Variants in DIAPH1 observed in about 807,000 individuals in gnomAD.
DIAPH1 encodes diaphanous related formin 1.
A neutral mutation model predicts 140.7 loss-of-function variants in DIAPH1; 46 were observed. The observed-to-expected ratio is 0.33, with a 90% CI of 0.26 to 0.42. The LOEUF is 0.42. Among genes scored for constraint, DIAPH1 ranks in the 10% least tolerant of loss-of-function variants. DIAPH1 has a pLI of 1.00. For synonymous variants in DIAPH1, 565 were observed against 551.6 expected (o/e 1.02, Z -0.34); for missense variants, 1,310 against 1,558.7 (o/e 0.84, Z 2.69).
chr5:141,532,276 A>C (rs2099888348), intron 19 of DIAPH1, among the ~76,000 whole-genome samples: 1 of 151,914 alleles, frequency 6.6e-6, no homozygotes, highest in Non-Finnish European at 1.5e-5. Flanking sequence ...GGCTCAAGTG[A>C]TCCTTCTGCC....
In DIAPH1 at chr5:141,573,682, C is replaced by A; in HGVS notation, c.2168G>T (p.Gly723Val). The A allele has an allele frequency of 6.2e-7, 1 of 1,605,372 alleles. No individual in the cohort carries two copies. The highest frequency in any genetic ancestry group is 8.5e-7 in the Non-Finnish European group (1 of 1,174,986). ...MPPPPPPLPG[G>V]PGIPPPPPFP... ...TGGAGGAGGTGGAGGGATTCCAGGA[C>A]CACCAGGAAGAGGGGGAGGAGGAGG... Residue 723 changes from glycine to valine, a missense_variant, in exon 16 of 28, where the codon GGT (glycine) becomes GTT (valine). Coordinates refer to ENST00000389054, the MANE Select transcript of DIAPH1 (RefSeq NM_005219.5).
intron 1 of DIAPH1, among the ~76,000 whole-genome samples, chr5:141,606,569 A>G (rs1282110656): frequency 6.6e-6 from 1 of 151,956 alleles, no homozygotes; most frequent in Non-Finnish European, 1.5e-5. Flanking sequence ...TAATTTTTGT[A>G]TTTTTAGTAG....
chr5:141,583,378 C>T, intron 5 of DIAPH1, 86 bp from the exon 6 acceptor site: 1 of 1,605,292 alleles, frequency 6.2e-7, no homozygotes, highest in South Asian at 1.1e-5. Flanking sequence ...ACTTACTACT[C>T]CCAATTCAGA....
At chr5:141,546,346 A>AAAAC (rs1056426107) in intron 18 of DIAPH1, among the ~76,000 whole-genome samples, 3 of 152,054 alleles carry the variant, frequency 2.0e-5, no homozygotes, top group Admixed American at 6.6e-5. Flanking sequence ...TCCGTCTCAA[A>AAAAC]AAACAAACAA....
chr5:141,531,487 TTTTAA>T (rs144826900), intron 19 of DIAPH1, among the ~76,000 whole-genome samples: 3,445 of 152,064 alleles, frequency 0.023, 52 homozygotes, highest in East Asian at 0.046. Context: ...TAGTTTTTTA[TTTTAA>T]TTTATTTATT....
chr5:141,600,106 G>A (rs954960353), intron 1 of DIAPH1, among the ~76,000 whole-genome samples: 1 of 152,178 alleles, frequency 6.6e-6, no homozygotes, highest in Non-Finnish European at 1.5e-5. Context: ...AAATCTAGAG[G>A]TCAGAGACAC....
chr5:141,607,195 A>C (rs189235903), intron 1 of DIAPH1, among the ~76,000 whole-genome samples: 1 of 152,366 alleles, frequency 6.6e-6, no homozygotes, highest in Admixed American at 6.5e-5. Flanking sequence ...ATAAGTATGC[A>C]ATCAAAAGCT....
At chr5:141,555,228 A>G (rs904129986) in intron 18 of DIAPH1, among the ~76,000 whole-genome samples, 8 of 152,252 alleles carry the variant, frequency 5.3e-5, no homozygotes, top group South Asian at 4.1e-4. Flanking sequence ...TTGTTAACAT[A>G]GTGTGATAAT....
In DIAPH1 at chr5:141,540,078, T is replaced by C. The variant is rs140674955; in HGVS notation, c.2483-5645A>G. Among the ~76,000 whole-genome samples the C allele has an allele frequency of 3.8e-3, 574 of 152,158 alleles. 5 individuals are homozygous for C. The highest frequency in any genetic ancestry group is 0.011 in the Admixed American group (167 of 15,278). On this transcript the variant is annotated intron_variant, in intron 18 of 27. Transcript: ENST00000389054. ...GCATTTACAGGTCTAAATTACCCTC[T>C]AACCAGTGCTTTCTGTATATCTCAT...
chr5:141,590,110 C>T (rs2099898173), intron 1 of DIAPH1, among the ~76,000 whole-genome samples: 2 of 152,112 alleles, frequency 1.3e-5, no homozygotes, highest in African/African-American at 4.8e-5. Flanking sequence ...ATTTCTGCCA[C>T]AAAGCTATTT....
At chr5:141,580,208 T>C (rs552113550) in intron 8 of DIAPH1, among the ~76,000 whole-genome samples, 10 of 152,216 alleles carry the variant, frequency 6.6e-5, no homozygotes, top group South Asian at 2.1e-4. Flanking sequence ...GTTAGTTTTA[T>C]AGGCATAAGT....
At chr5:141,524,958 G>A (rs2099887095) in intron 26 of DIAPH1, among the ~76,000 whole-genome samples, 2 of 152,024 alleles carry the variant, frequency 1.3e-5, no homozygotes, top group South Asian at 2.1e-4. Flanking sequence ...TGCTTGACCC[G>A]GGTACTGGAA....
Position 141,578,580 on chromosome 5 carries a change from C to T in DIAPH1, c.979G>A (p.Glu327Lys). 1 of 1,613,792 alleles carries T rather than the reference C, an allele frequency of 6.2e-7. No individual in the cohort carries two copies. The highest frequency in any genetic ancestry group is 8.5e-7 in the Non-Finnish European group (1 of 1,180,028). The part of the protein sequence containing the change: ...LINALITPAE[E>K]LDFRVHIRSE... ...CTGATGTGAACTCGGAAGTCAAGTT[C>T]CTCCGCTGGTGTGATGAGAGCATTG... Residue 327 changes from glutamate to lysine, a missense_variant, in exon 10 of 28, where the codon GAA becomes AAA. Physicochemically the swap from Glu to Lys is moderately conservative, Grantham distance 56 (BLOSUM62 1). Coordinates refer to ENST00000389054, the MANE Select transcript of DIAPH1 (RefSeq NM_005219.5).
At chr5:141,602,335 C>A (rs2099900278) in intron 1 of DIAPH1, among the ~76,000 whole-genome samples, 1 of 152,196 alleles carries the variant, frequency 6.6e-6, no homozygotes, top group Non-Finnish European at 1.5e-5. Context: ...CCTGTCTCAG[C>A]CTCCCGAGTA....
rs149281130 is a variant in DIAPH1, at chr5:141,542,074, C to T, written c.2483-7641G>A. On this transcript the variant is annotated intron_variant, in intron 18 of 27. Coordinates refer to ENST00000389054, the MANE Select transcript of DIAPH1 (RefSeq NM_005219.5). ...TATCCCCCAAAACCAAAAACAGCTA[C>T]TCAAATGGATACAAGTACATGCACA... is the stretch of plus-strand genomic sequence containing the variant. Among the ~76,000 whole-genome samples the T allele has an allele frequency of 3.7e-3, 563 of 152,326 alleles. 5 individuals carry two copies. The highest frequency in any genetic ancestry group is 0.011 in the Admixed American group (163 of 15,296).
chr5:141,561,042 A>G, intron 18 of DIAPH1: 1 of 416,248 alleles, frequency 2.4e-6, no homozygotes, highest in Non-Finnish European at 4.8e-6. Flanking sequence ...CTGGAACCTG[A>G]GCCAAAATAG....
chr5:141,536,738 T>A (rs887732611), intron 18 of DIAPH1, among the ~76,000 whole-genome samples: 3 of 151,988 alleles, frequency 2.0e-5, no homozygotes, highest in Non-Finnish European at 4.4e-5. Flanking sequence ...GCAGAGGCAA[T>A]AACAAATGCA....
At chr5:141,593,684 C>T (rs1427726159) in intron 1 of DIAPH1, among the ~76,000 whole-genome samples, 1 of 152,080 alleles carries the variant, frequency 6.6e-6, no homozygotes, top group Non-Finnish European at 1.5e-5. Context: ...AATAAACTTA[C>T]GAAAGAAGCT....
At position 141,592,581 on chromosome 5, in the gene DIAPH1, A is replaced by T. The variant is rs571343408; in HGVS notation, c.118-4331T>A. ...GAGCTTTATTTATGTATTAGGTCTC[A>T]GATATCCAAGATTCTTAAAATTAAG... On this transcript the variant is annotated intron_variant, in intron 1 of 27. Coordinates refer to ENST00000389054, the MANE Select transcript of DIAPH1 (RefSeq NM_005219.5). Among the ~76,000 whole-genome samples the T allele has an allele frequency of 1.2e-4, 18 of 152,334 alleles. No individual in the cohort carries two copies. The South Asian group carries it at 3.7e-3, about 32-fold the overall frequency.
Sources: allele counts gnomAD v4.1 joint callset (sites outside exome capture counted in the v4.1 genomes callset), GRCh38; gene constraint gnomAD v4.1.1; transcripts MANE v1.5; gene names NCBI Gene and HGNC (gene_info 2026-07-23, HGNC 2026-07-21).